PROSER2: variants seen among roughly 807,000 people sequenced by gnomAD.
PROSER2 encodes proline and serine-rich protein 2.
A neutral mutation model predicts 14.6 loss-of-function variants in PROSER2; 18 were observed. The ratio of observed to expected loss-of-function variants is 1.23; its 90% CI spans 0.85 to 1.83. The LOEUF is 1.83. Ranked by LOEUF, PROSER2 falls within the 40% of genes most tolerant of loss-of-function variation. PROSER2 has a pLI of 0.00. For synonymous variants in PROSER2, 367 were observed against 286.4 expected, an observed-to-expected ratio of 1.28 and a Z score of -2.84; for missense variants, 823 against 629.8, an observed-to-expected ratio of 1.31 and a Z score of -3.28.
At chr10:11,868,655 G>GTTTTT (rs1234654490) in intron 3 of PROSER2, among the ~76,000 whole-genome samples, 1 of 151,710 alleles carries the variant, frequency 6.6e-6, no homozygotes, top group Non-Finnish European at 1.5e-5. Flanking sequence ...GTTTTGTTTT[G>GTTTTT]TTTTGTTTTT....
chr10:11,857,571 T>G (rs1019957895), intron 2 of PROSER2, among the ~76,000 whole-genome samples: 2 of 151,678 alleles, frequency 1.3e-5, no homozygotes, highest in Admixed American at 1.3e-4. Context: ...ATGGTGAAAC[T>G]CCGTCTCTAC....
rs7089844 is a variant in PROSER2 at position 11,824,367 on chromosome 10, A to T, written c.-82+897A>T. 4.7e-3 allele frequency among the ~76,000 whole-genome samples: 715 copies of T among 152,348 alleles called. 9 individuals are homozygous for T. The highest frequency in any genetic ancestry group is 0.017 in the African/African-American group (692 of 41,568). On this transcript the variant is annotated intron_variant, in intron 1 of 3. Coordinates refer to ENST00000277570, the MANE Select transcript of PROSER2 (RefSeq NM_153256.4). ...CGGTATTTCTGAAAGGTATCGAAAG[A>T]CCAAACCAGGCGTACGTGGAAACTT...
chr10:11,845,327 G>A (rs1358329904), intron 1 of PROSER2, among the ~76,000 whole-genome samples: 5 of 152,092 alleles, frequency 3.3e-5, no homozygotes, highest in South Asian at 2.1e-4. Flanking sequence ...TTTTAACTAC[G>A]GTTTTGAGGC....
At position 11,862,802 on chromosome 10, in the gene PROSER2, A is replaced by T. The variant is rs1040983859; in HGVS notation, c.139-3729A>T. 9 of 152,212 alleles carry T rather than the reference A, an allele frequency of 5.9e-5. No homozygotes were observed. Among genetic ancestry groups the T allele is most frequent in the Non-Finnish European group, 1.3e-4 (9 of 68,038 alleles). The allele number at this position is 152,212 out of a possible 1,614,324, so 9.4% of individuals were successfully genotyped here. On this transcript the variant is annotated intron_variant, in intron 2 of 3. Coordinates refer to ENST00000277570, the MANE Select transcript of PROSER2 (RefSeq NM_153256.4). The surrounding 1 kb of genome is among the most constrained non-coding windows in gnomAD (Gnocchi z 4.2). Reference sequence around the variant, plus strand: ...ACACTTCTTATCCCAAACATTTCCGATGAGGAGTACTCACCTGTATTATGG... The same window carrying T: ...ACACTTCTTATCCCAAACATTTCCGTTGAGGAGTACTCACCTGTATTATGG...
At chr10:11,824,508 G>T (rs1328321840) in intron 1 of PROSER2, among the ~76,000 whole-genome samples, 1 of 152,146 alleles carries the variant, frequency 6.6e-6, no homozygotes, top group Non-Finnish European at 1.5e-5. Flanking sequence ...CAAGTTCCGT[G>T]TCTGAATGTT....
At chr10:11,826,080 G>C (rs1044574353) in intron 1 of PROSER2, among the ~76,000 whole-genome samples, 2 of 151,964 alleles carry the variant, frequency 1.3e-5, no homozygotes, top group African/African-American at 4.8e-5. Flanking sequence ...CTTCTGTCTC[G>C]GTAGACTTGC....
chr10:11,838,019 C>T lies in PROSER2; in HGVS notation c.-81-13978C>T, dbSNP rs1326896277. Among the ~76,000 whole-genome samples, 1 of 152,128 alleles carries T rather than the reference C, an allele frequency of 6.6e-6. No homozygotes were observed. The highest frequency in any genetic ancestry group is 1.5e-5 in the Non-Finnish European group (1 of 68,028). ...ATAACTTATCTGCCTGTATCATCTC[C>T]TGACATACTGGGTCTTTCAAAGGCT... is the stretch of plus-strand genomic sequence containing the variant. On this transcript the variant is annotated intron_variant, in intron 1 of 3. Coordinates refer to ENST00000277570, the MANE Select transcript of PROSER2 (RefSeq NM_153256.4). The surrounding 1 kb of genome is among the most constrained non-coding windows in gnomAD (Gnocchi z 4.4).
At chr10:11,834,104 C>A (rs1017254917) in intron 1 of PROSER2, among the ~76,000 whole-genome samples, 1 of 147,090 alleles carries the variant, frequency 6.8e-6, no homozygotes, top group Non-Finnish European at 1.5e-5. Flanking sequence ...AAGCGATTCT[C>A]CTGCTTCAGG....
chr10:11,827,261 C>G (rs1200487158), intron 1 of PROSER2, among the ~76,000 whole-genome samples: 1 of 151,760 alleles, frequency 6.6e-6, no homozygotes, highest in Non-Finnish European at 1.5e-5. Context: ...GGTTTTGGTG[C>G]ATTTCTCGAA....
chr10:11,827,743 A>C (rs1000354292), intron 1 of PROSER2, among the ~76,000 whole-genome samples: 2 of 151,476 alleles, frequency 1.3e-5, no homozygotes, highest in African/African-American at 2.4e-5. Flanking sequence ...CAGTGGCACA[A>C]TCACAGCTCA....
chr10:11,844,326 A>G (rs1833894698), intron 1 of PROSER2, among the ~76,000 whole-genome samples: 1 of 152,148 alleles, frequency 6.6e-6, no homozygotes, highest in Non-Finnish European at 1.5e-5. Flanking sequence ...TAAGTTTTTC[A>G]AAAGGTAATA....
chr10:11,864,147 A>G (rs1834298447), intron 2 of PROSER2, among the ~76,000 whole-genome samples: 1 of 152,150 alleles, frequency 6.6e-6, no homozygotes, highest in Admixed American at 6.5e-5. Flanking sequence ...CATGACTTAA[A>G]AACACCTTTA....
At chr10:11,832,191 A>G (rs7893993) in intron 1 of PROSER2, among the ~76,000 whole-genome samples, 98,938 of 151,950 alleles carry the variant, frequency 0.65, 32,646 homozygotes, top group Non-Finnish European at 0.7. Flanking sequence ...TGACCGCATC[A>G]ATGTTTCAAA....
In PROSER2 at chr10:11,872,219, T is replaced by G. The variant is rs1247177273; in HGVS notation, c.*1813T>G. 2.6e-5 allele frequency: 4 copies of G among 152,268 alleles called. No individual in the cohort carries two copies. Among genetic ancestry groups the G allele is most frequent in the Non-Finnish European group, 4.4e-5 (3 of 68,050 alleles). The allele number at this position is 152,268 out of a possible 1,614,324, so 9.4% of individuals were successfully genotyped here. A position where few individuals can be genotyped will look rare whatever the true frequency, so the allele number is the denominator to read the frequency against. On this transcript the variant is annotated 3_prime_UTR_variant, in exon 4 of 4. Coordinates refer to ENST00000277570, the MANE Select transcript of PROSER2 (RefSeq NM_153256.4). ...GAGTAGGGTGAACTGGACTGCATAT[T>G]AGTTTATTTGTTGCCATAATCACAT... is the stretch of plus-strand genomic sequence containing the variant.
intron 1 of PROSER2, among the ~76,000 whole-genome samples, chr10:11,834,426 A>T (rs1168366045): frequency 6.6e-6 from 1 of 151,074 alleles, no homozygotes; most frequent in Non-Finnish European, 1.5e-5. Flanking sequence ...GGCAGTACAG[A>T]TGAGGAAAAT....
Position 11,869,390 on chromosome 10 carries a change from C to A in PROSER2, c.392-100C>A. ...CAGGCAGCACCGGCGAAGTTGGTGT[C>A]AGGTCCAGGTTGAGGCTCTTTTCAG... On this transcript the variant is annotated intron_variant, in intron 3 of 3. Coordinates refer to ENST00000277570, the MANE Select transcript of PROSER2 (RefSeq NM_153256.4). The surrounding 1 kb of genome is among the most constrained non-coding windows in gnomAD (Gnocchi z 4.4). 3.5e-6 allele frequency: 3 copies of A among 851,920 alleles called. No individual in the cohort carries two copies. Among genetic ancestry groups the A allele is most frequent in the South Asian group, 1.6e-5 (1 of 64,308 alleles). 52.8% of individuals were successfully genotyped at this position (851,920 alleles called of 1,614,324 possible).
intron 2 of PROSER2, among the ~76,000 whole-genome samples, chr10:11,860,042 G>GCTCTC (rs913081877): frequency 1.1e-4 from 17 of 152,304 alleles, no homozygotes; most frequent in African/African-American, 4.1e-4. Context: ...CTCTGCTTCT[G>GCTCTC]CTCTCCTCTC....
rs926807680 is a variant in PROSER2, at chr10:11,852,375, C to G, written c.138+160C>G. Among the ~76,000 whole-genome samples, 6 of 152,212 alleles carry G rather than the reference C, an allele frequency of 3.9e-5. No homozygotes were observed. In the East Asian group the frequency reaches 7.7e-4, roughly 20 times the overall value. Reference sequence around the variant, plus strand: ...GAAGTGGTTCTTTATTTTTAATCATCTTAAATTTTGCACAAATACAGAGCA... The same window carrying G: ...GAAGTGGTTCTTTATTTTTAATCATGTTAAATTTTGCACAAATACAGAGCA... On this transcript the variant is annotated intron_variant, in intron 2 of 3. Transcript: ENST00000277570.
rs10560433 is a variant in PROSER2, at chr10:11,867,264, C to CAAAAAAAAAA, written c.391+495_391+504dup. ...TGGGGGACAGAGTGAGACTCCGTCT[C>CAAAAAAAAAA]AAAAAAAAAAAAAAAAAAAAAAAGA... On this transcript the variant is annotated intron_variant, in intron 3 of 3. Transcript: ENST00000277570. 5.8e-5 allele frequency among the ~76,000 whole-genome samples: 3 copies of CAAAAAAAAAA among 51,806 alleles called. 1 individual carries two copies. The highest frequency in any genetic ancestry group is 6.7e-5 in the African/African-American group (1 of 14,890). 34.0% of individuals were successfully genotyped at this position (51,806 alleles called of 152,430 possible). A position where few individuals can be genotyped will look rare whatever the true frequency, so the allele number is the denominator to read the frequency against.
Sources: allele counts gnomAD v4.1 joint callset (sites outside exome capture counted in the v4.1 genomes callset), GRCh38; gene constraint gnomAD v4.1.1; non-coding constraint Gnocchi (gnomAD v3.1); transcripts MANE v1.5; gene names NCBI Gene and HGNC (gene_info 2026-07-23, HGNC 2026-07-21).